LRP4: variants seen among roughly 807,000 people sequenced by gnomAD.
LRP4 encodes low-density lipoprotein receptor-related protein 4.
A neutral mutation model predicts 220.3 loss-of-function variants in LRP4; 95 were observed. That is an observed-to-expected ratio of 0.43 (90% CI 0.37 to 0.51). The LOEUF is 0.51. Ranked by LOEUF, LRP4 falls within the 20% of genes least tolerant of loss-of-function variation. The pLI is 0.00. For synonymous variants in LRP4, 903 were observed against 954.6 expected, an observed-to-expected ratio of 0.95 and a Z score of 1.00; for missense variants, 1,925 against 2,567.0, an observed-to-expected ratio of 0.75 and a Z score of 5.40.
intron 34 of LRP4, among the ~76,000 whole-genome samples, 164 bp from the exon 35 acceptor site, chr11:46,865,350 G>A (rs955128292): frequency 1.3e-5 from 2 of 152,222 alleles, no homozygotes; most frequent in Admixed American, 6.5e-5. Context: ...AGGAAATGGA[G>A]AGAAATCCGT....
intron 30 of LRP4, 107 bp from the exon 31 acceptor site, chr11:46,871,740 TG>T (rs1384595869): frequency 1.3e-6 from 1 of 769,368 alleles, no homozygotes; most frequent in African/African-American, 1.7e-5. Flanking sequence ...GCAGATGCTA[TG>T]AGAACTCAAG....
chr11:46,865,557 T>A (rs1940673413), intron 34 of LRP4, among the ~76,000 whole-genome samples: 1 of 152,274 alleles, frequency 6.6e-6, no homozygotes, highest in Admixed American at 6.5e-5. Context: ...TGGATAAAAA[T>A]TATCACAAGA....
At chr11:46,859,696 T>A (rs536215824) in intron 37 of LRP4, among the ~76,000 whole-genome samples, 4 of 152,292 alleles carry the variant, frequency 2.6e-5, no homozygotes, top group Admixed American at 2.6e-4. Context: ...AATGAGATGA[T>A]ACATGGAATG....
At chr11:46,902,462 T>A (rs1047170884) in intron 2 of LRP4, among the ~76,000 whole-genome samples, 1 of 150,746 alleles carries the variant, frequency 6.6e-6, no homozygotes, top group Non-Finnish European at 1.5e-5. Context: ...AACGCACAAA[T>A]ATGCGGTACA....
intron 15 of LRP4, 85 bp downstream of exon 15, chr11:46,889,859 C>CT (rs1941382394): frequency 3.4e-6 from 5 of 1,487,284 alleles, no homozygotes; most frequent in Non-Finnish European, 2.8e-6. Context: ...AATGGCAACT[C>CT]TAAGGGGAAG....
chr11:46,895,845 C>T (rs767614166), intron 10 of LRP4, 39 bp downstream of exon 10: 5 of 1,606,554 alleles, frequency 3.1e-6, no homozygotes, highest in South Asian at 1.1e-5. Flanking sequence ...TGCCCCTGCT[C>T]AGAACCCCGA....
At position 46,894,838 on chromosome 11, in the gene LRP4, A is replaced by T; in HGVS notation, c.1310-19T>A. On this transcript the variant is annotated intron_variant, in intron 11 of 37. Transcript: ENST00000378623. ...TCTGGCCCTGGGAAACAGTATAAACATGGGATACCCACTGGGTTTCAGAGC... is the reference window on the plus strand; with the variant it reads ...TCTGGCCCTGGGAAACAGTATAAACTTGGGATACCCACTGGGTTTCAGAGC... The T allele has an allele frequency of 6.2e-7, 1 of 1,607,352 alleles. No homozygotes were observed. The highest frequency in any genetic ancestry group is 8.5e-7 in the Non-Finnish European group (1 of 1,173,860).
At position 46,896,871 on chromosome 11, in the gene LRP4, G is replaced by A; in HGVS notation, c.920C>T (p.Thr307Ile). ...DNSDEENCEN[T>I]GSPQCALDQF... ...TGGGGCACCCCGGGAGACACCACCT[G>A]TATTCTCACAGTTCTCTTCATCGCT... Residue 307 changes from threonine to isoleucine, a missense_variant and splice_region_variant, in exon 8 of 38, where the codon ACA becomes ATA. Thr to Ile is a moderately conservative substitution (Grantham distance 89, BLOSUM62 -1). Around this residue, in one of 3 missense-constraint regions of LRP4, gnomAD observed 412 missense variants for 505.4 expected, o/e 0.82. Transcript: ENST00000378623. The A allele has an allele frequency of 1.2e-6, 2 of 1,614,168 alleles. No individual in the cohort carries two copies. The highest frequency in any genetic ancestry group is 2.2e-5 in the South Asian group (2 of 91,082).
In LRP4 at chr11:46,886,305, C is replaced by A; in HGVS notation, c.2424+20G>T. ...GAGAGGGTGGATTCCACCCTTCAAC[C>A]TCCCCACGCTGGGCCCTACCTCCTG... On this transcript the variant is annotated intron_variant, in intron 17 of 37. Transcript: ENST00000378623. The A allele has an allele frequency of 6.3e-7, 1 of 1,588,326 alleles. No homozygotes were observed. The highest frequency in any genetic ancestry group is 1.7e-4 in the Middle Eastern group (1 of 6,030).
chr11:46,873,156 G>A lies in LRP4; in HGVS notation c.4527C>T (p.Leu1509=). ...ANLDGSERKV[L]INTDLGWPNG... ...TGGGCCAACCCAGGTCTGTGTTGAT[G>A]AGGACCTTCCGCTCAGAACCATCCA... The change falls in exon 30 of 38, where the codon CTC becomes CTT. Residue 1509 remains leucine (L), a synonymous_variant. Transcript: ENST00000378623. The surrounding 1 kb of genome is among the most constrained non-coding windows in gnomAD (Gnocchi z 4.2). 35 of 1,614,218 alleles carry A rather than the reference G, an allele frequency of 2.2e-5. No individual in the cohort carries two copies. Among genetic ancestry groups the A allele is most frequent in the Non-Finnish European group, 2.8e-5 (33 of 1,180,044 alleles).
At chr11:46,897,334 C>CTTTTTTTTTTTTTTTTTTTT (rs60604776) in intron 7 of LRP4, among the ~76,000 whole-genome samples, 1 of 128,082 alleles carries the variant, frequency 7.8e-6, no homozygotes, top group Non-Finnish European at 1.6e-5. Context: ...GCCTGTTTGT[C>CTTTTTTTTTTTTTTTTTTTT]TTTTTTTTTT....
intron 37 of LRP4, among the ~76,000 whole-genome samples, chr11:46,859,861 C>T (rs1240459928): frequency 1.3e-5 from 2 of 152,266 alleles, no homozygotes; most frequent in Admixed American, 1.3e-4. Context: ...TTTTAAGCTA[C>T]TTCGGGTGCT....
intron 1 of LRP4, among the ~76,000 whole-genome samples, chr11:46,903,243 C>T (rs534512880): frequency 6.6e-6 from 1 of 152,298 alleles, no homozygotes; most frequent in African/African-American, 2.4e-5. Flanking sequence ...ACCTATATCA[C>T]AGCACTTTGA....
chr11:46,873,375 C>T lies in LRP4; in HGVS notation c.4448G>A (p.Gly1483Glu). Residue 1483 changes from glycine (G) to glutamate (E), a missense_variant and splice_region_variant, in exon 29 of 38, where the codon GGG becomes GAG. This residue lies in a region of LRP4 where 1,244 missense variants were observed against 1,624.9 expected (regional missense o/e 0.77). Coordinates refer to ENST00000378623, the MANE Select transcript of LRP4 (RefSeq NM_002334.4). The surrounding 1 kb of genome is among the most constrained non-coding windows in gnomAD (Gnocchi z 4.2). ...TCTCTTCTGCTGGCCATAAACTTAC[C>T]CCTTCCTGGGGAAAACAGCAATGGC... ...PRAIAVFPRK[G>E]YLFWTDWGHI... The T allele has an allele frequency of 6.2e-7, 1 of 1,614,134 alleles. No individual in the cohort carries two copies. The highest frequency in any genetic ancestry group is 8.5e-7 in the Non-Finnish European group (1 of 1,180,010).
rs572046428 is a variant in LRP4, at chr11:46,881,021, G to T, written c.2814+681C>A. 3.2e-5 allele frequency among the ~76,000 whole-genome samples: 4 copies of T among 125,686 alleles called. No individual in the cohort carries two copies. In the South Asian group the frequency reaches 1.1e-3, roughly 33 times the overall value. 82.5% of individuals were successfully genotyped at this position (125,686 alleles called of 152,430 possible). ...CCCAATATTGTGCCACTGCACTCCA[G>T]CCTGGGTGACACAGCATGACCCTGC... On this transcript the variant is annotated intron_variant, in intron 20 of 37. Coordinates refer to ENST00000378623, the MANE Select transcript of LRP4 (RefSeq NM_002334.4).
rs1940925816 is a variant in LRP4, at chr11:46,873,514, AGTCCACTGCCAGCCC to A, written c.4294_4308del (p.Gly1432_Asp1436del). The A allele has an allele frequency of 6.2e-7, 1 of 1,614,090 alleles. No homozygotes were observed. The highest frequency in any genetic ancestry group is 8.5e-7 in the Non-Finnish European group (1 of 1,180,048). On this transcript the variant is annotated inframe_deletion, in exon 29 of 38. Transcript: ENST00000378623. This position sits in a 1 kb window ranked among gnomAD's most constrained non-coding sequence, Gnocchi z 4.2. ...GTCCAGTACAGGTTCCTGGCCACCC[AGTCCACTGCCAGCCC>A]GTCAGTGGTCTTCAGCCCTCGCCCG...
chr11:46,871,740 TGAG>T, intron 30 of LRP4, 107 bp from the exon 31 acceptor site: 1 of 769,486 alleles, frequency 1.3e-6, no homozygotes, highest in Non-Finnish European at 2.3e-6. Flanking sequence ...GCAGATGCTA[TGAG>T]AACTCAAGAA....
intron 20 of LRP4, among the ~76,000 whole-genome samples, chr11:46,881,408 T>C (rs936128722): frequency 2.6e-5 from 4 of 152,192 alleles, no homozygotes; most frequent in African/African-American, 9.7e-5. Flanking sequence ...TAACAAGCAT[T>C]AGTTGTGCTG....
At chr11:46,877,170 G>A (rs746370912) in intron 23 of LRP4, 29 bp downstream of exon 23, 3 of 1,612,574 alleles carry the variant, frequency 1.9e-6, no homozygotes, top group Admixed American at 3.3e-5. Flanking sequence ...GGGACAGAAG[G>A]CCAGGTGGGA....
Sources: allele counts gnomAD v4.1 joint callset (sites outside exome capture counted in the v4.1 genomes callset), GRCh38; gene constraint gnomAD v4.1.1; regional missense constraint gnomAD v4.1.1; non-coding constraint Gnocchi (gnomAD v3.1); transcripts MANE v1.5; gene names NCBI Gene and HGNC (gene_info 2026-07-23, HGNC 2026-07-21).